Variants in SH3GL3 observed in about 807,000 individuals in gnomAD.
SH3GL3 encodes endophilin-A3.
SH3GL3 carries 33 observed loss-of-function variants against 47.7 expected under a neutral mutation model. The ratio of observed to expected loss-of-function variants is 0.69; its 90% confidence interval spans 0.52 to 0.92. SH3GL3 has a LOEUF of 0.92. Among genes scored for constraint, SH3GL3 ranks in the 40% least tolerant of loss-of-function variants. The pLI is 0.00. For missense variants in SH3GL3, 363 were observed against 417.8 expected (o/e 0.87, Z 1.14); for synonymous variants, 155 against 148.8 (o/e 1.04, Z -0.30).
chr15:83,600,575 C>T (rs1480613423), intron 8 of SH3GL3, among the ~76,000 whole-genome samples: 1 of 152,184 alleles, frequency 6.6e-6, no homozygotes, highest in Admixed American at 6.5e-5. Context: ...CAGTACCATG[C>T]TGTTTTGGTG....
chr15:83,572,768 C>A, intron 5 of SH3GL3, 70 bp downstream of exon 5: 3 of 1,156,992 alleles, frequency 2.6e-6, no homozygotes, highest in Non-Finnish European at 3.7e-6. Flanking sequence ...ATCACTAGAA[C>A]GTTTCAGCAG....
chr15:83,505,020 G>A (rs1203946222), intron 1 of SH3GL3, among the ~76,000 whole-genome samples: 2 of 151,872 alleles, frequency 1.3e-5, no homozygotes, highest in Non-Finnish European at 2.9e-5. Context: ...GTCTTATCTC[G>A]ATATTAGGCA....
At chr15:83,501,904 G>T (rs2042313167) in intron 1 of SH3GL3, among the ~76,000 whole-genome samples, 1 of 151,468 alleles carries the variant, frequency 6.6e-6, no homozygotes, top group African/African-American at 2.4e-5. Context: ...AAAAAGAAAA[G>T]AAAAAAAAGA....
chr15:83,564,269 G>T (rs1425027592), intron 2 of SH3GL3, among the ~76,000 whole-genome samples: 1 of 151,972 alleles, frequency 6.6e-6, no homozygotes, highest in African/African-American at 2.4e-5. Flanking sequence ...AATTATGATG[G>T]GATTTGAATG....
At chr15:83,528,732 A>G (rs1480879922) in intron 1 of SH3GL3, among the ~76,000 whole-genome samples, 1 of 151,540 alleles carries the variant, frequency 6.6e-6, no homozygotes, top group African/African-American at 2.4e-5. Flanking sequence ...TGTATTGTTT[A>G]TCTGTGTGCT....
chr15:83,612,639 A>G (rs2060699234), intron 8 of SH3GL3, among the ~76,000 whole-genome samples: 1 of 152,206 alleles, frequency 6.6e-6, no homozygotes, highest in South Asian at 2.1e-4. Flanking sequence ...AGTGGAGTCT[A>G]AGACCCCCTT....
At position 83,559,248 on chromosome 15, in the gene SH3GL3, T is replaced by A. The variant is rs1340333389; in HGVS notation, c.46-5T>A. ...CAATGCAATTATTTATGTTTATTTC[T>A]GCAGCTATTTAGTGAAAAAATAAGT... On this transcript the variant is annotated splice_polypyrimidine_tract_variant and splice_region_variant and intron_variant, in intron 1 of 8. Transcript: ENST00000427482. 6.7e-7 allele frequency: 1 copy of A among 1,489,700 alleles called. No homozygotes were observed. Among genetic ancestry groups the A allele is most frequent in the Non-Finnish European group, 9.4e-7 (1 of 1,066,500 alleles). The allele number at this position is 1,489,700 out of a possible 1,614,324, so 92.3% of individuals were successfully genotyped here.
chr15:83,562,180 C>T (rs2045323729), intron 2 of SH3GL3, among the ~76,000 whole-genome samples: 3 of 151,982 alleles, frequency 2.0e-5, no homozygotes, highest in Admixed American at 1.3e-4. Flanking sequence ...CTCATCTTGA[C>T]TCCACATTAG....
At chr15:83,600,110 A>G (rs545257610) in intron 8 of SH3GL3, among the ~76,000 whole-genome samples, 1 of 152,276 alleles carries the variant, frequency 6.6e-6, no homozygotes, top group South Asian at 2.1e-4. Context: ...TCAGATGTAT[A>G]GATTGTGAAG....
At chr15:83,600,689 A>C (rs1383636476) in intron 8 of SH3GL3, among the ~76,000 whole-genome samples, 1 of 152,044 alleles carries the variant, frequency 6.6e-6, no homozygotes, top group African/African-American at 2.4e-5. Context: ...TTTTGGTTTC[A>C]TATGAATTTT....
chr15:83,540,253 T>C (rs1463310165), intron 1 of SH3GL3, among the ~76,000 whole-genome samples: 1 of 152,218 alleles, frequency 6.6e-6, no homozygotes, highest in Non-Finnish European at 1.5e-5. Context: ...GTTCCATGTC[T>C]ACTTGAAAAT....
chr15:83,565,345 C>T, intron 3 of SH3GL3, 139 bp downstream of exon 3: 1 of 662,840 alleles, frequency 1.5e-6, no homozygotes. Context: ...AGCTGAGTCT[C>T]CAGTGACCAA....
chr15:83,562,000 T>C (rs2045297649), intron 2 of SH3GL3, among the ~76,000 whole-genome samples: 1 of 150,280 alleles, frequency 6.7e-6, no homozygotes, highest in Admixed American at 6.7e-5. Flanking sequence ...TTGCATAGCA[T>C]TTGGTTGACT....
intron 8 of SH3GL3, among the ~76,000 whole-genome samples, chr15:83,608,008 C>T (rs2060572168): frequency 6.6e-6 from 1 of 151,948 alleles, no homozygotes; most frequent in African/African-American, 2.4e-5. Flanking sequence ...CAAAAGTCAT[C>T]ACAATAGACA....
chr15:83,530,179 C>A (rs535691594), intron 1 of SH3GL3, among the ~76,000 whole-genome samples: 1 of 152,272 alleles, frequency 6.6e-6, no homozygotes, highest in South Asian at 2.1e-4. Context: ...TGCTGTTCTG[C>A]AGTTGCTTAG....
At chr15:83,551,264 C>T (rs1219209963) in intron 1 of SH3GL3, among the ~76,000 whole-genome samples, 1 of 152,168 alleles carries the variant, frequency 6.6e-6, no homozygotes, top group African/African-American at 2.4e-5. Flanking sequence ...CCAAGGCAAC[C>T]TGAGATAGGT....
At chr15:83,493,331 C>G (rs955397628) in intron 1 of SH3GL3, among the ~76,000 whole-genome samples, 2 of 152,102 alleles carry the variant, frequency 1.3e-5, no homozygotes, top group Non-Finnish European at 2.9e-5. Flanking sequence ...CATGGCAGTT[C>G]ATTACAGAGG....
intron 8 of SH3GL3, among the ~76,000 whole-genome samples, chr15:83,604,463 G>T (rs1002006451): frequency 6.6e-6 from 1 of 151,630 alleles, no homozygotes; most frequent in South Asian, 2.1e-4. Flanking sequence ...AAATGAAAAG[G>T]TATTTGAATT....
rs552230702 is a variant in SH3GL3, at chr15:83,453,553, G to A, written c.45+5975G>A. On this transcript the variant is annotated intron_variant, in intron 1 of 8. Coordinates refer to ENST00000427482, the MANE Select transcript of SH3GL3 (RefSeq NM_003027.5). The stretch of plus-strand genomic sequence containing the variant: ...AGTCTTGGGAGAGTGTATGTGTCGA[G>A]GAATGTATCCATTTCTTCTAGATTT... Among the ~76,000 whole-genome samples the A allele has an allele frequency of 7.3e-5, 11 of 151,592 alleles. No individual in the cohort carries two copies. The East Asian group carries it at 7.8e-4, about 11-fold the overall frequency.
Sources: allele counts gnomAD v4.1 joint callset (sites outside exome capture counted in the v4.1 genomes callset), GRCh38; gene constraint gnomAD v4.1.1; transcripts MANE v1.5; gene names NCBI Gene and HGNC (gene_info 2026-07-23, HGNC 2026-07-21).